ZZEF1: variants seen among roughly 807,000 people sequenced by gnomAD.
ZZEF1 encodes the protein zinc finger ZZ-type and EF-hand domain-containing protein 1.
ZZEF1 carries 157 observed loss-of-function variants against 342.8 expected under a neutral mutation model. The observed-to-expected ratio is 0.46, with a 90% confidence interval of 0.40 to 0.52. The LOEUF (loss-of-function observed/expected upper bound fraction) is 0.52, where lower values mean the gene tolerates loss of function less well. Among genes scored for constraint, ZZEF1 ranks in the 20% least tolerant of loss-of-function variants. ZZEF1 has a pLI of 0.00. For missense variants in ZZEF1, 3,480 were observed against 3,725.6 expected (o/e 0.93, Z 1.72); for synonymous variants, 1,505 against 1,429.1 (o/e 1.05, Z -1.20).
intron 6 of ZZEF1, among the ~76,000 whole-genome samples, chr17:4,109,349 GCATAAGT>G (rs2058259447): frequency 1.3e-5 from 2 of 152,200 alleles, no homozygotes; most frequent in Non-Finnish European, 2.9e-5. Context: ...AACAGGCACA[GCATAAGT>G]GACCTCCTCA....
intron 45 of ZZEF1, 107 bp from the exon 46 acceptor site, chr17:4,019,876 G>A: frequency 1.3e-6 from 1 of 783,246 alleles, no homozygotes; most frequent in Non-Finnish European, 2.0e-6. Flanking sequence ...AGCTGCCACA[G>A]GTTATAATTG....
At chr17:4,059,397 A>T in intron 30 of ZZEF1, 107 bp from the exon 31 acceptor site, 4 of 1,398,894 alleles carry the variant, frequency 2.9e-6, no homozygotes, top group Non-Finnish European at 3.8e-6. Context: ...TCAGCTGAGC[A>T]AAGCGGCACA....
At position 4,024,976 on chromosome 17, in the gene ZZEF1, T is replaced by C; in HGVS notation, c.7035A>G (p.Ala2345=). ...QSSMDSHCPE[A]VEATWVLSLA... is the part of the protein sequence containing the mutation. ...GGGACAGGACCCAAGTTGCTTCTAC[T>C]GCCTCGGGACAATGGCTGTCCATGC... Residue 2345 remains alanine (A), a synonymous_variant, in exon 43 of 55, where the codon GCA becomes GCG. Transcript: ENST00000381638. 1 of 1,614,202 alleles carries C rather than the reference T, an allele frequency of 6.2e-7. No individual in the cohort carries two copies. The highest frequency in any genetic ancestry group is 8.5e-7 in the Non-Finnish European group (1 of 1,180,026).
In ZZEF1 at chr17:4,075,367, A is replaced by C. The variant is rs771969079; in HGVS notation, c.3297T>G (p.Ser1099=). The C allele has an allele frequency of 6.2e-7, 1 of 1,614,268 alleles. No homozygotes were observed. The highest frequency in any genetic ancestry group is 8.5e-7 in the Non-Finnish European group (1 of 1,180,052). The part of the protein sequence containing the change: ...PVVLHTWTKE[S]AHNYENNCHE... ...GGCAATTATTTTCATAGTTGTGGGC[A>C]GATTCCTTCGTCCACGTATGTAACA... The change falls in exon 22 of 55, where the codon TCT becomes TCG. Residue 1099 remains serine, a synonymous_variant. Coordinates refer to ENST00000381638, the MANE Select transcript of ZZEF1 (RefSeq NM_015113.4).
intron 24 of ZZEF1, 78 bp from the exon 25 acceptor site, chr17:4,072,834 G>C (rs1053939850): frequency 7.1e-7 from 1 of 1,412,924 alleles, no homozygotes; most frequent in Non-Finnish European, 9.5e-7. Context: ...GAAAGAAAAG[G>C]TTAAAAAAAA....
intron 31 of ZZEF1, 54 bp downstream of exon 31, chr17:4,059,117 T>C (rs891300776): frequency 1.6e-5 from 23 of 1,440,716 alleles, no homozygotes; most frequent in Non-Finnish European, 2.1e-5. Flanking sequence ...ATTTCTTTTA[T>C]AATCAGAAAA....
intron 6 of ZZEF1, 67 bp from the exon 7 acceptor site, chr17:4,105,876 G>T: frequency 7.6e-7 from 1 of 1,313,106 alleles, no homozygotes; most frequent in Non-Finnish European, 1.1e-6. Flanking sequence ...AAAATAAACT[G>T]TTAGAAGCTT....
At chr17:4,130,240 G>A (rs776609075) in intron 1 of ZZEF1, among the ~76,000 whole-genome samples, 1 of 152,150 alleles carries the variant, frequency 6.6e-6, no homozygotes, top group Non-Finnish European at 1.5e-5. Flanking sequence ...GATCACCTGA[G>A]GTCAGGAGTT....
chr17:4,050,060 G>C (rs1274136028), intron 36 of ZZEF1, among the ~76,000 whole-genome samples: 1 of 152,212 alleles, frequency 6.6e-6, no homozygotes, highest in Non-Finnish European at 1.5e-5. Context: ...AGGCTGAATA[G>C]CAAGGGATAC....
At chr17:4,084,052 C>A (rs2057774792) in intron 16 of ZZEF1, among the ~76,000 whole-genome samples, 1 of 152,174 alleles carries the variant, frequency 6.6e-6, no homozygotes. Context: ...TCCTACAGCA[C>A]TAGCTAGGCC....
intron 37 of ZZEF1, among the ~76,000 whole-genome samples, chr17:4,046,533 T>TC (rs1170470781): frequency 1.3e-5 from 2 of 152,068 alleles, no homozygotes; most frequent in African/African-American, 4.8e-5. Context: ...TGACATGCCG[T>TC]CTCCCAGGGG....
At position 4,005,920 on chromosome 17, in the gene ZZEF1, T is replaced by G. The variant is rs533340976; in HGVS notation, c.*970A>C. The G allele has an allele frequency of 6.6e-6, 1 of 152,328 alleles. No homozygotes were observed. Among genetic ancestry groups the G allele is most frequent in the Middle Eastern group, 3.4e-3 (1 of 294 alleles). 9.4% of individuals were successfully genotyped at this position (152,328 alleles called of 1,614,324 possible). ...TCAAAAGAAAAATGTAAAACAGCAC[T>G]GACTAGAACTAATGTCGTTATTGCT... On this transcript the variant is annotated 3_prime_UTR_variant, in exon 55 of 55. Coordinates refer to ENST00000381638, the MANE Select transcript of ZZEF1 (RefSeq NM_015113.4).
At chr17:4,053,184 T>C (rs1597818067) in intron 34 of ZZEF1, among the ~76,000 whole-genome samples, 3 of 152,294 alleles carry the variant, frequency 2.0e-5, no homozygotes, top group Middle Eastern at 3.4e-3. Context: ...AATACCTACT[T>C]CAAAAACCTT....
At chr17:4,038,840 AAAC>A (rs2056734751) in intron 39 of ZZEF1, among the ~76,000 whole-genome samples, 1 of 147,260 alleles carries the variant, frequency 6.8e-6, no homozygotes, top group Non-Finnish European at 1.5e-5. Context: ...AACAAACAAA[AAAC>A]CACCACCACC....
rs535312383 is a variant in ZZEF1 at position 4,055,835 on chromosome 17, G to A, written c.5295+381C>T. On this transcript the variant is annotated intron_variant, in intron 33 of 54. Coordinates refer to ENST00000381638, the MANE Select transcript of ZZEF1 (RefSeq NM_015113.4). ...CTTTTTGGCACCAGGGACCAATTTC[G>A]TAGAAGACAATTTCTGCACAGGACT... 2.4e-4 allele frequency among the ~76,000 whole-genome samples: 37 copies of A among 152,244 alleles called. 1 individual carries two copies. In the South Asian group the frequency reaches 7.0e-3, roughly 29 times the overall value.
At chr17:4,042,012 G>C (rs2145112865) in intron 39 of ZZEF1, among the ~76,000 whole-genome samples, 1 of 152,246 alleles carries the variant, frequency 6.6e-6, no homozygotes, top group East Asian at 1.9e-4. Context: ...TTATATAGGA[G>C]AATGTACTTT....
At chr17:4,029,756 C>G (rs1314705272) in intron 42 of ZZEF1, among the ~76,000 whole-genome samples, 3 of 151,832 alleles carry the variant, frequency 2.0e-5, no homozygotes, top group African/African-American at 7.3e-5. Flanking sequence ...TGCCTGTAAT[C>G]TCAGCTACTC....
Position 4,142,745 on chromosome 17 carries a change from G to T in ZZEF1, c.151C>A (p.Leu51Met). The change falls in exon 1 of 55, where the codon CTG (leucine) becomes ATG (methionine). Residue 51 changes from leucine to methionine, a missense_variant. By Grantham distance (15) the Leu-to-Met change is conservative. This residue lies in a region of ZZEF1 where 416 missense variants were observed against 374.2 expected (regional missense o/e 1.11). Transcript: ENST00000381638. ...GCCTCTCGCAGCCTGGCCGGCTCCAGCAGCGCCGCGGCGGGTGGTAGCGCT... is the reference window on the plus strand; with the variant it reads ...GCCTCTCGCAGCCTGGCCGGCTCCATCAGCGCCGCGGCGGGTGGTAGCGCT... Reference protein sequence around the residue: ...APALPPAAALLEPARLREAAA... With the variant: ...APALPPAAALMEPARLREAAA... 6.7e-7 allele frequency: 1 copy of T among 1,497,420 alleles called. No individual in the cohort carries two copies. Among genetic ancestry groups the T allele is most frequent in the Non-Finnish European group, 8.9e-7 (1 of 1,128,888 alleles). The allele number at this position is 1,497,420 out of a possible 1,614,324, so 92.8% of individuals were successfully genotyped here. A position where few individuals can be genotyped will look rare whatever the true frequency, so the allele number is the denominator to read the frequency against.
intron 9 of ZZEF1, among the ~76,000 whole-genome samples, chr17:4,097,293 T>C (rs2058053314): frequency 6.6e-6 from 1 of 150,762 alleles, no homozygotes; most frequent in Non-Finnish European, 1.5e-5. Context: ...AAAAGAAATG[T>C]TTATAAAACA....
Sources: allele counts gnomAD v4.1 joint callset (sites outside exome capture counted in the v4.1 genomes callset), GRCh38; gene constraint gnomAD v4.1.1; regional missense constraint gnomAD v4.1.1; transcripts MANE v1.5; gene names NCBI Gene and HGNC (gene_info 2026-07-23, HGNC 2026-07-21).